HOXC4: variants seen among roughly 807,000 people sequenced by gnomAD.
The protein encoded by HOXC4 is homeobox C4, also known as homeobox protein Hox-C4.
HOXC4 carries 15 observed loss-of-function variants against 25.5 expected under a neutral mutation model. The ratio of observed to expected loss-of-function variants is 0.59; its 90% confidence interval spans 0.39 to 0.91. The LOEUF (loss-of-function observed/expected upper bound fraction) is 0.91, where lower values mean the gene tolerates loss of function less well. HOXC4 is among the 40% of genes least tolerant of loss of function. HOXC4 has a pLI of 0.00. For synonymous variants in HOXC4, 165 were observed against 148.0 expected (o/e 1.11, Z -0.83); for missense variants, 342 against 352.4 (o/e 0.97, Z 0.24).
Position 54,054,016 on chromosome 12 carries a change from C to T in HOXC4, c.94C>T (p.His32Tyr). 1 of 1,614,210 alleles carries T rather than the reference C, an allele frequency of 6.2e-7. No homozygotes were observed. Among genetic ancestry groups the T allele is most frequent in the Non-Finnish European group, 8.5e-7 (1 of 1,180,016 alleles). ...EYSQNSYIPE[H>Y]SPEYYGRTRE... ...TTCGCAAAATAGCTACATCCCTGAA[C>T]ACAGTCCGGAATATTACGGCCGGAC... is the stretch of plus-strand genomic sequence containing the variant. The change falls in exon 1 of 2, where the codon CAC (histidine) becomes TAC (tyrosine). Residue 32 changes from histidine (H) to tyrosine (Y), a missense_variant. Physicochemically the swap from His to Tyr is moderately conservative, Grantham distance 83 (BLOSUM62 2). Transcript: ENST00000430889.
chr12:54,048,246 A>AATC (rs1363191796), intron 1 of HOXC4, among the ~76,000 whole-genome samples: 1 of 152,052 alleles, frequency 6.6e-6, no homozygotes, highest in Non-Finnish European at 1.5e-5. Context: ...TATTGAGGTT[A>AATC]ATCATGGTAA....
chr12:54,035,493 G>A (rs1941165930), intron 1 of HOXC4: 2 of 152,302 alleles, frequency 1.3e-5, no homozygotes, highest in South Asian at 4.1e-4. Flanking sequence ...GGGGCAGTGA[G>A]TAGAGGGAGG....
At chr12:54,044,714 A>C (rs915005273) in intron 1 of HOXC4, among the ~76,000 whole-genome samples, 1 of 133,912 alleles carries the variant, frequency 7.5e-6, no homozygotes, top group African/African-American at 2.9e-5. Context: ...GGGGTGTGTG[A>C]GTGTGTGTGT....
chr12:54,029,403 G>GCCCC, intron 1 of HOXC4, among the ~76,000 whole-genome samples: 1 of 58,828 alleles, frequency 1.7e-5, no homozygotes. Flanking sequence ...CTTTTGCCCC[G>GCCCC]CCCCCCCGCC....
chr12:54,030,065 T>C, intron 1 of HOXC4: 1 of 1,198,228 alleles, frequency 8.3e-7, no homozygotes. Flanking sequence ...ATTGATGTGT[T>C]TTGATTCCCT....
chr12:54,025,464 T>A (rs1940649096), intron 1 of HOXC4, among the ~76,000 whole-genome samples: 1 of 144,358 alleles, frequency 6.9e-6, no homozygotes, highest in African/African-American at 2.5e-5. Context: ...AAATTTCAGC[T>A]GCATAATTAA....
chr12:54,055,080 TCAGCACCCCCGGCCGGCGCTGCGCC>T lies in HOXC4; in HGVS notation c.679_703del (p.Pro227PhefsTer33). The T allele has an allele frequency of 6.2e-7, 1 of 1,613,046 alleles. No homozygotes were observed. The highest frequency in any genetic ancestry group is 2.2e-5 in the East Asian group (1 of 44,846). ...CCGACTCCCCAACACCAAAGTCAGGTCAGCACCCCCGGCCGGCGCTGCGCCCAGCACCCTTTCGGCAGCTACCCCG... is the reference window on the plus strand; with the variant it reads ...CCGACTCCCCAACACCAAAGTCAGGTCAGCACCCTTTCGGCAGCTACCCCG... On this transcript the variant is annotated frameshift_variant, in exon 2 of 2. Coordinates refer to ENST00000430889, the MANE Select transcript of HOXC4 (RefSeq NM_153633.3). LOFTEE classifies it high-confidence loss of function.
upstream of HOXC4, among the ~76,000 whole-genome samples, chr12:54,050,434 G>T (rs1465320883): frequency 6.6e-6 from 1 of 152,192 alleles, no homozygotes; most frequent in Non-Finnish European, 1.5e-5. Flanking sequence ...TGAGGTTGAG[G>T]ACAGGGCAGA....
rs1840988254 is a variant in HOXC4, at chr12:54,045,983, C to T, written c.-123-7177C>T. On this transcript the variant is annotated intron_variant, in intron 1 of 3. Coordinates refer to the HOXC4 transcript ENST00000303406. ...GGGAGAGAAGAAAGGGGAGAGTCCTCCAGCCCAGTTCCTGTTGGATCCCCA... is the reference window on the plus strand; with the variant it reads ...GGGAGAGAAGAAAGGGGAGAGTCCTTCAGCCCAGTTCCTGTTGGATCCCCA... Among the ~76,000 whole-genome samples, 5 of 152,294 alleles carry T rather than the reference C, an allele frequency of 3.3e-5. No individual in the cohort carries two copies. In the South Asian group the frequency reaches 1.0e-3, roughly 32 times the overall value.
At chr12:54,022,559 A>G (rs1428941737) in intron 1 of HOXC4, 2 of 152,134 alleles carry the variant, frequency 1.3e-5, no homozygotes, top group Non-Finnish European at 1.5e-5. Flanking sequence ...GTTCTTTCAG[A>G]TCTGCAAACA....
chr12:54,054,146 C>T lies in HOXC4; in HGVS notation c.224C>T (p.Pro75Leu). Residue 75 changes from proline (P) to leucine (L), a missense_variant, in exon 1 of 2, where the codon CCC becomes CTC. Physicochemically the swap from Pro to Leu is moderately conservative, Grantham distance 98 (BLOSUM62 -3). Transcript: ENST00000430889. ...RQYSCTSLQG[P>L]GNSRGHGPAQ... ...TATAGCTGCACCAGTCTCCAGGGGCCCGGCAATTCGCGAGGCCACGGGCCG... is the reference window on the plus strand; with the variant it reads ...TATAGCTGCACCAGTCTCCAGGGGCTCGGCAATTCGCGAGGCCACGGGCCG... 1.2e-6 allele frequency: 2 copies of T among 1,614,106 alleles called. No individual in the cohort carries two copies. The highest frequency in any genetic ancestry group is 1.6e-4 in the Middle Eastern group (1 of 6,062).
At chr12:54,018,309 C>T (rs1447452730) in intron 1 of HOXC4, among the ~76,000 whole-genome samples, 1 of 152,234 alleles carries the variant, frequency 6.6e-6, no homozygotes, top group Non-Finnish European at 1.5e-5. Context: ...GCCCGCTCGC[C>T]ACGCATGGCT....
intron 1 of HOXC4, chr12:54,033,629 C>A: frequency 2.9e-6 from 4 of 1,384,298 alleles, no homozygotes; most frequent in South Asian, 1.4e-5. Flanking sequence ...GTTTTATAGG[C>A]CATGCGGGGC....
intron 1 of HOXC4, among the ~76,000 whole-genome samples, chr12:54,045,067 C>T (rs77360297): frequency 6.6e-5 from 10 of 152,184 alleles, no homozygotes; most frequent in Admixed American, 2.0e-4. Context: ...TTAGCACTTG[C>T]GAAGTCTCTA....
chr12:54,052,208 C>T (rs1331257210), upstream of HOXC4, among the ~76,000 whole-genome samples: 1 of 152,142 alleles, frequency 6.6e-6, no homozygotes, highest in Non-Finnish European at 1.5e-5. Context: ...AGCAGGCAGC[C>T]AGCGGCCGCC....
intron 1 of HOXC4, among the ~76,000 whole-genome samples, chr12:54,032,495 C>T (rs1232420016): frequency 6.6e-6 from 1 of 152,246 alleles, no homozygotes; most frequent in Non-Finnish European, 1.5e-5. Context: ...GGCCACCTTA[C>T]CTAACTTAAT....
At chr12:54,043,259 A>G (rs2136458218) in intron 1 of HOXC4, among the ~76,000 whole-genome samples, 1 of 152,326 alleles carries the variant, frequency 6.6e-6, no homozygotes, top group South Asian at 2.1e-4. Context: ...ATGTACAGAG[A>G]AAGTTCTACA....
intron 1 of HOXC4, among the ~76,000 whole-genome samples, chr12:54,040,426 T>A (rs1463560484): frequency 6.6e-6 from 1 of 152,146 alleles, no homozygotes; most frequent in Non-Finnish European, 1.5e-5. Context: ...GTTTATCCTA[T>A]CTCAGATTTG....
intron 1 of HOXC4, among the ~76,000 whole-genome samples, chr12:54,031,627 G>C (rs1228087652): frequency 6.6e-6 from 1 of 152,182 alleles, no homozygotes; most frequent in African/African-American, 2.4e-5. Context: ...GTGTTGAGGA[G>C]GGTCTCCGGA....
Sources: gnomAD v4.1 joint callset for allele counts (sites outside exome capture counted in the v4.1 genomes callset) on GRCh38, gnomAD v4.1.1 for gene constraint, MANE v1.5 for transcripts, NCBI Gene and HGNC (gene_info 2026-07-23, HGNC 2026-07-21) for gene names.